The following CTSD variants were observed in gnomAD, a reference collection of about 807,000 sequenced individuals.
CTSD encodes cathepsin D.
A neutral mutation model predicts 43.6 loss-of-function variants in CTSD; 28 were observed. The ratio of observed to expected loss-of-function variants is 0.64; its 90% CI spans 0.48 to 0.88. The LOEUF is 0.88. CTSD is among the 40% of genes least tolerant of loss of function. The pLI, the probability that CTSD is intolerant of heterozygous loss-of-function variation, is 0.00. For synonymous variants in CTSD, 270 were observed against 249.8 expected (o/e 1.08, Z -0.76); for missense variants, 485 against 555.2 (o/e 0.87, Z 1.27).
At chr11:1,759,385 T>A in intron 3 of CTSD, 131 bp downstream of exon 3, 1 of 1,349,438 alleles carries the variant, frequency 7.4e-7, no homozygotes, top group Non-Finnish European at 1.0e-6. Flanking sequence ...TGGAGCAGGG[T>A]GGAGGGCTGG....
At chr11:1,757,678 G>T in intron 4 of CTSD, 122 bp from the exon 5 acceptor site, 2 of 841,896 alleles carry the variant, frequency 2.4e-6, no homozygotes, top group Non-Finnish European at 3.8e-6. Context: ...GGCCCAGAGG[G>T]CCCAGAAGAA....
At chr11:1,755,148 G>T in intron 5 of CTSD, 120 bp from the exon 6 acceptor site, 1 of 1,199,800 alleles carries the variant, frequency 8.3e-7, no homozygotes, top group Non-Finnish European at 1.2e-6. Flanking sequence ...GGGCCTTTCT[G>T]AAACTGCAGG....
intron 6 of CTSD, among the ~76,000 whole-genome samples, chr11:1,754,564 GGAGGAGATGGAGGGTCATGAAGAGTCACA>G (rs1845783395): frequency 2.9e-5 from 4 of 139,782 alleles, no homozygotes; most frequent in Admixed American, 2.1e-4. Context: ...ATGGAGGGAT[GGAGGAGATGGAGGGTCATGAAGAGTCACA>G]GAGGGATGAG....
At position 1,757,501 on chromosome 11, in the gene CTSD, C is replaced by T. The variant is rs757688598; in HGVS notation, c.527G>A (p.Arg176Lys). 4 of 1,613,828 alleles carry T rather than the reference C, an allele frequency of 2.5e-6. No individual in the cohort carries two copies. In the African/African-American group the frequency reaches 5.3e-5, roughly 22 times the overall value. ...ASALGGVKVERQVFGEATKQP... is the reference protein window; with the variant it reads ...ASALGGVKVEKQVFGEATKQP... ...CTTGGTGGCCTCCCCAAAGACCTGC[C>T]TCTCCACTTTGACACCGCCCAGGGC... Residue 176 changes from arginine to lysine, a missense_variant, in exon 5 of 9, where the codon AGG becomes AAG. Coordinates refer to ENST00000236671, the MANE Select transcript of CTSD (RefSeq NM_001909.5).
At chr11:1,761,920 G>C (rs1022826675) in intron 1 of CTSD, 3 of 256,116 alleles carry the variant, frequency 1.2e-5, no homozygotes, top group African/African-American at 4.4e-5. Flanking sequence ...ACTGTACCCA[G>C]CCCCCATCAC....
At chr11:1,755,394 CCAA>C (rs2133660321) in intron 5 of CTSD, 1 of 359,874 alleles carries the variant, frequency 2.8e-6, no homozygotes, top group East Asian at 7.0e-5. Context: ...GAAGAAAAAA[CCAA>C]AGAAGGCTTC....
intron 3 of CTSD, 47 bp from the exon 4 acceptor site, chr11:1,759,134 C>A (rs759768007): frequency 4.5e-5 from 63 of 1,399,720 alleles, no homozygotes; most frequent in Non-Finnish European, 6.2e-5. Context: ...GCAGCCCACG[C>A]CACGGCCTTA....
At position 1,755,331 on chromosome 11, in the gene CTSD, C is replaced by A. The variant is rs1590905282; in HGVS notation, c.705-303G>T. ...CATCAGGGTCAAGGCTAGCGGCAGA[C>A]AAGGAAGTGAGTGCCAGGAGCTCCA... On this transcript the variant is annotated intron_variant, in intron 5 of 8. Transcript: ENST00000236671. 6.6e-6 allele frequency: 3 copies of A among 451,360 alleles called. No homozygotes were observed. In the East Asian group the frequency reaches 1.4e-4, roughly 21 times the overall value. The allele number at this position is 451,360 out of a possible 1,614,324, so 28.0% of individuals were successfully genotyped here. A position where few individuals can be genotyped will look rare whatever the true frequency, so the allele number is the denominator to read the frequency against.
intron 5 of CTSD, among the ~76,000 whole-genome samples, chr11:1,756,674 A>C (rs1047316112): frequency 1.8e-4 from 27 of 151,838 alleles, no homozygotes; most frequent in African/African-American, 6.5e-4. Context: ...GAGAAGAGGA[A>C]ACTAACTGAG....
intron 1 of CTSD, chr11:1,762,078 G>A: frequency 5.7e-6 from 1 of 176,716 alleles, no homozygotes; most frequent in Non-Finnish European, 1.2e-5. Flanking sequence ...TCCTCCACAT[G>A]GACCCTGTGG....
intron 6 of CTSD, 156 bp from the exon 7 acceptor site, chr11:1,754,294 G>A (rs1845768551): frequency 1.2e-6 from 1 of 828,832 alleles, no homozygotes; most frequent in East Asian, 2.8e-5. Context: ...CAGGGAAGAG[G>A]GTGGGAGAGG....
chr11:1,757,847 T>A (rs1845828854), intron 4 of CTSD: 1 of 489,808 alleles, frequency 2.0e-6, no homozygotes, highest in Non-Finnish European at 3.8e-6. Context: ...CTCCGACCTC[T>A]TACTCCCACC....
Position 1,763,829 on chromosome 11 carries a change from G to A in CTSD, c.31C>T (p.Leu11Phe). Residue 11 changes from leucine (L) to phenylalanine (F), a missense_variant, in exon 1 of 9, where the codon CTC (leucine) becomes TTC (phenylalanine). Coordinates refer to ENST00000236671, the MANE Select transcript of CTSD (RefSeq NM_001909.5). MQPSSLLPLA[L>F]CLLAAPASAL... is the part of the protein sequence containing the mutation. The stretch of plus-strand genomic sequence containing the variant: ...GAGGCGGGTGCAGCCAGCAGGCAGA[G>A]GGCGAGCGGCAGAAGGCTGGAGGGC... 2 of 1,528,582 alleles carry A rather than the reference G, an allele frequency of 1.3e-6. No individual in the cohort carries two copies. Among genetic ancestry groups the A allele is most frequent in the Non-Finnish European group, 1.7e-6 (2 of 1,143,302 alleles). 94.7% of individuals were successfully genotyped at this position (1,528,582 alleles called of 1,614,324 possible). A position where few individuals can be genotyped will look rare whatever the true frequency, so the allele number is the denominator to read the frequency against.
chr11:1,758,613 G>A (rs111434941), intron 4 of CTSD, among the ~76,000 whole-genome samples: 9 of 152,094 alleles, frequency 5.9e-5, no homozygotes, highest in African/African-American at 9.6e-5. Context: ...CCAAGCCCTC[G>A]GCCTGCTGCA....
In CTSD at chr11:1,757,469, C is replaced by T; in HGVS notation, c.559G>A (p.Gly187Ser). ...QVFGEATKQPGITFIAAKFDG... is the reference protein window; with the variant it reads ...QVFGEATKQPSITFIAAKFDG... ...AACTTGGCTGCGATGAAGGTGATGCCTGGCTGCTTGGTGGCCTCCCCAAAG... is the reference window on the plus strand; with the variant it reads ...AACTTGGCTGCGATGAAGGTGATGCTTGGCTGCTTGGTGGCCTCCCCAAAG... The change falls in exon 5 of 9, where the codon GGC (glycine) becomes AGC (serine). Residue 187 changes from glycine (G) to serine (S), a missense_variant. Coordinates refer to ENST00000236671, the MANE Select transcript of CTSD (RefSeq NM_001909.5). 1 of 1,614,068 alleles carries T rather than the reference C, an allele frequency of 6.2e-7. No individual in the cohort carries two copies. The highest frequency in any genetic ancestry group is 8.5e-7 in the Non-Finnish European group (1 of 1,180,034).
Position 1,753,384 on chromosome 11 carries a change from G to C in CTSD, c.*119C>G, listed in dbSNP as rs1845751170. On this transcript the variant is annotated 3_prime_UTR_variant, in exon 9 of 9. Transcript: ENST00000236671. ...CGGGCTTGGGCCGCCGGCTTCCAGG[G>C]CGCCCAGGACAGTGGGCGGGCGAGT... 1 of 1,271,426 alleles carries C rather than the reference G, an allele frequency of 7.9e-7. No individual in the cohort carries two copies. Among genetic ancestry groups the C allele is most frequent in the Non-Finnish European group, 1.1e-6 (1 of 877,504 alleles). The allele number at this position is 1,271,426 out of a possible 1,614,324, so 78.8% of individuals were successfully genotyped here.
intron 2 of CTSD, 115 bp downstream of exon 2, chr11:1,761,194 G>A: frequency 4.2e-6 from 5 of 1,194,710 alleles, no homozygotes; most frequent in Non-Finnish European, 6.2e-6. Context: ...ACCGTGGCCA[G>A]GTGAGCCACT....
Position 1,758,958 on chromosome 11 carries a change from G to A in CTSD, c.471+11C>T. 1.9e-6 allele frequency: 3 copies of A among 1,580,324 alleles called. No individual in the cohort carries two copies. The highest frequency in any genetic ancestry group is 2.6e-6 in the Non-Finnish European group (3 of 1,149,466). On this transcript the variant is annotated intron_variant, in intron 4 of 8. Coordinates refer to ENST00000236671, the MANE Select transcript of CTSD (RefSeq NM_001909.5). ...CCCTCGAGTCCTGGGAAAGGCCCCA[G>A]AGGGACTCACCGACACAGTGTCCTG... is the stretch of plus-strand genomic sequence containing the variant.
At chr11:1,760,438 G>A (rs2133665225) in intron 2 of CTSD, 1 of 152,460 alleles carries the variant, frequency 6.6e-6, no homozygotes, top group East Asian at 1.9e-4. Context: ...CCAGATTCCT[G>A]GCACCAGCCC....
Sources: gnomAD v4.1 joint callset for allele counts (sites outside exome capture counted in the v4.1 genomes callset) on GRCh38, gnomAD v4.1.1 for gene constraint, MANE v1.5 for transcripts, NCBI Gene and HGNC (gene_info 2026-07-23, HGNC 2026-07-21) for gene names.